The following DIAPH2 variants were observed in gnomAD, a reference collection of about 807,000 sequenced individuals.
DIAPH2 encodes the protein diaphanous related formin 2.
In DIAPH2, 35 loss-of-function variants were observed where a neutral mutation model predicts 92.7. That is an observed-to-expected ratio of 0.38 (90% CI 0.29 to 0.50). DIAPH2 has a LOEUF of 0.50. Among genes scored for constraint, DIAPH2 ranks in the 20% least tolerant of loss-of-function variants. DIAPH2 has a pLI of 0.94. For synonymous variants in DIAPH2, 301 were observed against 280.4 expected (o/e 1.07, Z -0.73); for missense variants, 701 against 819.5 (o/e 0.86, Z 1.77).
intron 4 of DIAPH2, among the ~76,000 whole-genome samples, chrX:96,825,233 G>C (rs1569406090): frequency 9.2e-6 from 1 of 109,145 alleles, no homozygotes; most frequent in Non-Finnish European, 1.9e-5. Flanking sequence ...TGTGATTACA[G>C]GCATGAGCCA....
intron 26 of DIAPH2, among the ~76,000 whole-genome samples, chrX:97,437,244 T>A (rs1261433983): frequency 8.9e-6 from 1 of 112,234 alleles, no homozygotes; most frequent in Non-Finnish European, 1.9e-5. Flanking sequence ...GTTTTATAAA[T>A]GTCAGAATCT....
At chrX:96,800,315 A>G (rs1375988557) in intron 4 of DIAPH2, among the ~76,000 whole-genome samples, 1 of 111,454 alleles carries the variant, frequency 9.0e-6, no homozygotes, top group African/African-American at 3.3e-5. Context: ...AAAATTAAGG[A>G]CTATTTTAGA....
At chrX:97,144,610 T>A (rs1376413060) in intron 22 of DIAPH2, among the ~76,000 whole-genome samples, 3 of 36,084 alleles carry the variant, frequency 8.3e-5, no homozygotes, top group Admixed American at 4.9e-4. Flanking sequence ...TTTATATATG[T>A]GTATATAGCG....
intron 21 of DIAPH2, among the ~76,000 whole-genome samples, chrX:97,125,471 CAAAAAAAA>C (rs1159049051): frequency 6.2e-4 from 12 of 19,204 alleles, no homozygotes; most frequent in African/African-American, 1.0e-3. Flanking sequence ...GACTCCGTCT[CAAAAAAAA>C]AAAAAAAAAA....
At chrX:96,760,150 C>T (rs760276047) in intron 4 of DIAPH2, among the ~76,000 whole-genome samples, 4 of 111,117 alleles carry the variant, frequency 3.6e-5, no homozygotes, top group South Asian at 3.7e-4. Context: ...TAATATTTTT[C>T]GTGGGCCAGA....
At chrX:97,350,259 G>A (rs2069199785) in intron 24 of DIAPH2, among the ~76,000 whole-genome samples, 1 of 110,662 alleles carries the variant, frequency 9.0e-6, no homozygotes, top group Admixed American at 9.7e-5. Flanking sequence ...GCAGTGAGCC[G>A]CTGGAGACAG....
At chrX:96,814,333 G>A (rs1417825677) in intron 4 of DIAPH2, among the ~76,000 whole-genome samples, 1 of 111,579 alleles carries the variant, frequency 9.0e-6, no homozygotes, top group African/African-American at 3.3e-5. Context: ...TGAAGCTTGT[G>A]CACGCGTCAC....
intron 19 of DIAPH2, among the ~76,000 whole-genome samples, chrX:97,082,656 A>G (rs1172013543): frequency 1.8e-5 from 2 of 110,622 alleles, no homozygotes; most frequent in African/African-American, 3.3e-5. Context: ...AAACAAACAA[A>G]CAAAAACAAG....
At chrX:97,237,903 C>G (rs746574850) in intron 22 of DIAPH2, among the ~76,000 whole-genome samples, 4 of 112,507 alleles carry the variant, frequency 3.6e-5, no homozygotes, top group Non-Finnish European at 7.5e-5. Flanking sequence ...TTTTTCTTGA[C>G]GAGAACAAAC....
At chrX:96,811,077 A>G (rs1256756972) in intron 4 of DIAPH2, among the ~76,000 whole-genome samples, 3 of 111,687 alleles carry the variant, frequency 2.7e-5, no homozygotes, top group South Asian at 3.8e-4. Context: ...AGCTTGATGG[A>G]GATGGCTTTG....
At chrX:97,108,156 T>A (rs2147371828) in intron 20 of DIAPH2, among the ~76,000 whole-genome samples, 2 of 111,279 alleles carry the variant, frequency 1.8e-5, no homozygotes, top group East Asian at 5.7e-4. Flanking sequence ...TCACTAAAGC[T>A]GTCAATGCAC....
intron 12 of DIAPH2, among the ~76,000 whole-genome samples, chrX:96,939,711 C>A (rs1474045767): frequency 1.7e-5 from 1 of 59,751 alleles, no homozygotes; most frequent in African/African-American, 5.7e-5. Flanking sequence ...GTCGCCCAGG[C>A]TGGAGTGCAG....
At chrX:97,585,389 C>T (rs905777579) in intron 26 of DIAPH2, among the ~76,000 whole-genome samples, 1 of 109,613 alleles carries the variant, frequency 9.1e-6, no homozygotes, top group East Asian at 2.9e-4. Context: ...AATTTTACTT[C>T]CTTCTGTGTG....
At chrX:97,354,688 T>A (rs2069249196) in intron 24 of DIAPH2, among the ~76,000 whole-genome samples, 1 of 112,882 alleles carries the variant, frequency 8.9e-6, no homozygotes. Context: ...CTGAGCTTTT[T>A]AAACTAAAAT....
intron 9 of DIAPH2, among the ~76,000 whole-genome samples, chrX:96,925,093 C>T (rs1445238078): frequency 9.0e-6 from 1 of 110,907 alleles, no homozygotes; most frequent in Non-Finnish European, 1.9e-5. Context: ...CTTGGGCAAT[C>T]GCATCTATCC....
chrX:96,849,197 G>A (rs1231243667), intron 4 of DIAPH2, among the ~76,000 whole-genome samples: 2 of 111,403 alleles, frequency 1.8e-5, no homozygotes, highest in African/African-American at 6.5e-5. Context: ...ACAGAGTCTC[G>A]CTCTGTTGCC....
chrX:96,976,942 G>T (rs749827577), intron 17 of DIAPH2, among the ~76,000 whole-genome samples: 1 of 110,571 alleles, frequency 9.0e-6, no homozygotes, highest in Non-Finnish European at 1.9e-5. Flanking sequence ...TTGTTTTGTC[G>T]GTTAAGAAAC....
intron 22 of DIAPH2, among the ~76,000 whole-genome samples, chrX:97,154,049 G>A (rs1424650541): frequency 2.7e-5 from 3 of 111,855 alleles, no homozygotes; most frequent in Non-Finnish European, 3.8e-5. Context: ...TTTCTTTTAT[G>A]TGCATTTTAA....
chrX:96,690,656 C>T (rs1362910016), intron 1 of DIAPH2, among the ~76,000 whole-genome samples: 1 of 111,991 alleles, frequency 8.9e-6, no homozygotes, highest in Non-Finnish European at 1.9e-5. Flanking sequence ...TATCCTTTTA[C>T]TAAGATTTCA....
Sources: allele counts gnomAD v4.1 joint callset (sites outside exome capture counted in the v4.1 genomes callset), GRCh38; gene constraint gnomAD v4.1.1; transcripts MANE v1.5; gene names NCBI Gene and HGNC (gene_info 2026-07-23, HGNC 2026-07-21).